The following DAAM1 variants were observed in gnomAD, a reference collection of about 807,000 sequenced individuals.
DAAM1 encodes the protein dishevelled associated activator of morphogenesis 1, also known as disheveled-associated activator of morphogenesis 1.
DAAM1 carries 52 observed loss-of-function variants against 130.0 expected under a neutral mutation model. The observed-to-expected ratio is 0.40, with a 90% confidence interval of 0.32 to 0.50. DAAM1 has a LOEUF of 0.50. Ranked by LOEUF, DAAM1 falls within the 20% of genes least tolerant of loss-of-function variation. The pLI is 0.61. For synonymous variants in DAAM1, 452 were observed against 444.5 expected (o/e 1.02, Z -0.21); for missense variants, 1,134 against 1,303.8 (o/e 0.87, Z 2.01).
intron 16 of DAAM1, 143 bp from the exon 17 acceptor site, chr14:59,347,396 G>A (rs892614907): frequency 2.7e-6 from 2 of 730,862 alleles, no homozygotes; most frequent in East Asian, 2.7e-5. Flanking sequence ...ATTTTTAGGT[G>A]CAATATTGTC....
chr14:59,253,599 C>T (rs925946806), intron 1 of DAAM1, among the ~76,000 whole-genome samples: 2 of 152,148 alleles, frequency 1.3e-5, no homozygotes, highest in Admixed American at 6.5e-5. Flanking sequence ...CTGTCATTTA[C>T]CAAGTATGCC....
intron 18 of DAAM1, among the ~76,000 whole-genome samples, chr14:59,352,960 A>T (rs1378703288): frequency 6.6e-6 from 1 of 151,266 alleles, no homozygotes; most frequent in Non-Finnish European, 1.5e-5. Context: ...CATACTTCCA[A>T]GTAGCTTAGC....
chr14:59,212,912 A>T (rs759423556), intron 1 of DAAM1, among the ~76,000 whole-genome samples: 20 of 152,162 alleles, frequency 1.3e-4, no homozygotes, highest in Non-Finnish European at 2.6e-4. Flanking sequence ...CTTTAAATGA[A>T]TTTTACTTTT....
intron 1 of DAAM1, among the ~76,000 whole-genome samples, chr14:59,245,332 CTTGT>C (rs1368297467): frequency 6.6e-6 from 1 of 152,068 alleles, no homozygotes; most frequent in African/African-American, 2.4e-5. Context: ...GTATTGCTTG[CTTGT>C]TTAAGTTTGG....
chr14:59,281,534 G>A (rs1883221006), intron 2 of DAAM1, among the ~76,000 whole-genome samples: 2 of 151,588 alleles, frequency 1.3e-5, no homozygotes, highest in South Asian at 2.1e-4. Context: ...TGGAGGAGGA[G>A]GAGGAGGAGG....
intron 1 of DAAM1, among the ~76,000 whole-genome samples, chr14:59,189,231 G>A (rs527399146): frequency 6.6e-6 from 1 of 152,260 alleles, no homozygotes; most frequent in East Asian, 1.9e-4. Context: ...TGGTGGACAC[G>A]GCGGTGGCGA....
At chr14:59,337,263 C>T (rs1885663828) in intron 15 of DAAM1, among the ~76,000 whole-genome samples, 1 of 152,198 alleles carries the variant, frequency 6.6e-6, no homozygotes, top group Non-Finnish European at 1.5e-5. Context: ...TCAGAGTAGA[C>T]AACTTGGCAG....
At chr14:59,365,906 A>T (rs2139692683) in intron 23 of DAAM1, among the ~76,000 whole-genome samples, 1 of 150,644 alleles carries the variant, frequency 6.6e-6, no homozygotes, top group African/African-American at 2.4e-5. Flanking sequence ...ATTTTAACAA[A>T]CAATTTGACA....
At chr14:59,343,190 G>T (rs1360521624) in intron 16 of DAAM1, among the ~76,000 whole-genome samples, 1 of 152,180 alleles carries the variant, frequency 6.6e-6, no homozygotes, top group Non-Finnish European at 1.5e-5. Flanking sequence ...ATCAGAACTG[G>T]TGCCTTTTGT....
chr14:59,331,810 T>C lies in DAAM1; in HGVS notation c.1861-3T>C. The C allele has an allele frequency of 2.5e-6, 4 of 1,612,664 alleles. No homozygotes were observed. Among genetic ancestry groups the C allele is most frequent in the Non-Finnish European group, 3.4e-6 (4 of 1,179,322 alleles). ...ATAGCACTTATTACATTGATGTTTCTAGAACAAACTGGAAGGAACAGTATG... is the reference window on the plus strand; with the variant it reads ...ATAGCACTTATTACATTGATGTTTCCAGAACAAACTGGAAGGAACAGTATG... On this transcript the variant is annotated splice_polypyrimidine_tract_variant and splice_region_variant and intron_variant, in intron 14 of 24. Coordinates refer to ENST00000360909, the MANE Select transcript of DAAM1 (RefSeq NM_001270520.2).
At chr14:59,291,369 A>C (rs1883733480) in intron 3 of DAAM1, 63 bp downstream of exon 3, 2 of 1,305,080 alleles carry the variant, frequency 1.5e-6, no homozygotes, top group Non-Finnish European at 2.2e-6. Context: ...TTGCTCTTCC[A>C]TTTCACCACT....
In DAAM1 at chr14:59,330,764, A is replaced by G; in HGVS notation, c.1560+76A>G. The G allele has an allele frequency of 3.6e-6, 5 of 1,384,466 alleles. No homozygotes were observed. In the South Asian group the frequency reaches 7.7e-5, roughly 21 times the overall value. 85.8% of individuals were successfully genotyped at this position (1,384,466 alleles called of 1,614,324 possible). On this transcript the variant is annotated intron_variant, in intron 13 of 24. Transcript: ENST00000360909. The stretch of plus-strand genomic sequence containing the variant: ...TAGAGCCCCTCACCCTTAAGTAGAG[A>G]ACTTCATACTGGGGGAATAAAATCT...
intron 5 of DAAM1, among the ~76,000 whole-genome samples, chr14:59,321,732 C>T (rs533073103): frequency 1.3e-5 from 2 of 152,278 alleles, no homozygotes; most frequent in South Asian, 2.1e-4. Flanking sequence ...CTATAAAATG[C>T]AAACTAAGAA....
chr14:59,348,799 A>G (rs1045389483), intron 17 of DAAM1, among the ~76,000 whole-genome samples: 1 of 152,126 alleles, frequency 6.6e-6, no homozygotes, highest in African/African-American at 2.4e-5. Context: ...CTCAGACACC[A>G]TGCAGGGAGG....
At chr14:59,314,447 G>T (rs1438560257) in intron 3 of DAAM1, among the ~76,000 whole-genome samples, 1 of 152,006 alleles carries the variant, frequency 6.6e-6, no homozygotes. Context: ...TCAGTGTTCA[G>T]GTGGAGCCAG....
intron 3 of DAAM1, among the ~76,000 whole-genome samples, chr14:59,298,508 C>T (rs1181738410): frequency 6.6e-6 from 1 of 152,224 alleles, no homozygotes; most frequent in Admixed American, 6.5e-5. Context: ...CAGAAACCCA[C>T]TGAGGGCATG....
intron 1 of DAAM1, among the ~76,000 whole-genome samples, chr14:59,211,663 CCTTT>C (rs1168175045): frequency 2.6e-5 from 4 of 152,162 alleles, no homozygotes; most frequent in African/African-American, 9.7e-5. Context: ...GTGTCAGTTG[CCTTT>C]CTGAGTAAAA....
At chr14:59,208,278 C>G (rs1888324766) in intron 1 of DAAM1, among the ~76,000 whole-genome samples, 1 of 152,164 alleles carries the variant, frequency 6.6e-6, no homozygotes, top group African/African-American at 2.4e-5. Context: ...AATTGAATTC[C>G]TGGCCATGAT....
At chr14:59,335,624 A>T (rs1020198732) in intron 15 of DAAM1, among the ~76,000 whole-genome samples, 15 of 152,288 alleles carry the variant, frequency 9.8e-5, no homozygotes, top group African/African-American at 3.4e-4. Context: ...CTGTAGCAAC[A>T]AATTCACAGT....
Sources: allele counts gnomAD v4.1 joint callset (sites outside exome capture counted in the v4.1 genomes callset), GRCh38; gene constraint gnomAD v4.1.1; transcripts MANE v1.5; gene names NCBI Gene and HGNC (gene_info 2026-07-23, HGNC 2026-07-21).